Variants in SPATS2 observed in about 807,000 individuals in gnomAD.
The protein encoded by SPATS2 is spermatogenesis-associated serine-rich protein 2.
SPATS2 carries 38 observed loss-of-function variants against 63.7 expected under a neutral mutation model. The ratio of observed to expected loss-of-function variants is 0.60; its 90% CI spans 0.46 to 0.78. The LOEUF is 0.78. SPATS2 is among the 30% of genes least tolerant of loss of function. SPATS2 has a pLI of 0.00. For missense variants in SPATS2, 588 were observed against 666.2 expected, an observed-to-expected ratio of 0.88 and a Z score of 1.29; for synonymous variants, 207 against 232.9, an observed-to-expected ratio of 0.89 and a Z score of 1.01.
intron 2 of SPATS2, among the ~76,000 whole-genome samples, chr12:49,399,987 G>C (rs1039976409): frequency 3.9e-5 from 6 of 152,140 alleles, no homozygotes; most frequent in Non-Finnish European, 7.4e-5. Context: ...AGTGAGCAGC[G>C]ATCACGCCAC....
chr12:49,392,818 G>C (rs570709081), intron 2 of SPATS2, among the ~76,000 whole-genome samples: 1 of 151,942 alleles, frequency 6.6e-6, no homozygotes, highest in South Asian at 2.1e-4. Context: ...TTGGGAAGCT[G>C]AGTTGGGTGG....
chr12:49,398,135 CAAAAAAAAA>C (rs71080193), intron 2 of SPATS2, among the ~76,000 whole-genome samples: 2 of 45,394 alleles, frequency 4.4e-5, no homozygotes, highest in Admixed American at 6.1e-4. Context: ...GACCCTGTCT[CAAAAAAAAA>C]AAAAAAAAAA....
chr12:49,526,015 C>T lies in SPATS2; in HGVS notation c.1398C>T (p.Asn466=). ...PQGQKSNDPM[N]QGRHDSMGRY... is the part of the protein sequence containing the mutation. ...GCCAAAAGTCCAATGACCCCATGAA[C>T]CAAGGGCGGCATGACAGTATGGGTC... is the stretch of plus-strand genomic sequence containing the variant. The change falls in exon 14 of 14, where the codon AAC becomes AAT. Residue 466 remains asparagine (N), a synonymous_variant. Transcript: ENST00000552918. 1.9e-6 allele frequency: 3 copies of T among 1,614,240 alleles called. No individual in the cohort carries two copies. Among genetic ancestry groups the T allele is most frequent in the Non-Finnish European group, 2.5e-6 (3 of 1,180,042 alleles).
intron 8 of SPATS2, among the ~76,000 whole-genome samples, chr12:49,497,686 G>A (rs1023333148): frequency 1.3e-5 from 2 of 151,978 alleles, no homozygotes; most frequent in African/African-American, 4.8e-5. Context: ...GAGCCACTGC[G>A]CCCAGCCAAC....
chr12:49,489,598 T>C, intron 5 of SPATS2, 25 bp downstream of exon 5: 2 of 1,575,302 alleles, frequency 1.3e-6, no homozygotes, highest in Non-Finnish European at 8.7e-7. Flanking sequence ...ATTTTAAAAA[T>C]AAATTTATAT....
chr12:49,456,592 A>G (rs1945723183), intron 2 of SPATS2, among the ~76,000 whole-genome samples: 1 of 152,250 alleles, frequency 6.6e-6, no homozygotes, highest in South Asian at 2.1e-4. Flanking sequence ...GTGAAATAGC[A>G]GCGAGAGTGG....
At chr12:49,375,409 C>CT (rs1944082765) in intron 2 of SPATS2, among the ~76,000 whole-genome samples, 4 of 152,136 alleles carry the variant, frequency 2.6e-5, no homozygotes, top group Admixed American at 2.0e-4. Flanking sequence ...TTTTAAATAA[C>CT]TTGCTTTTGT....
At chr12:49,429,645 G>A (rs1197182142) in intron 2 of SPATS2, among the ~76,000 whole-genome samples, 3 of 149,290 alleles carry the variant, frequency 2.0e-5, no homozygotes, top group Admixed American at 6.7e-5. Context: ...TAGTAGAGAC[G>A]GGGTTTCACC....
intron 9 of SPATS2, among the ~76,000 whole-genome samples, chr12:49,513,207 AAG>A (rs1219331420): frequency 8.0e-4 from 116 of 144,292 alleles, no homozygotes; most frequent in African/African-American, 2.8e-3. Flanking sequence ...GCGAGAGAGA[AAG>A]AGTGTGTGTG....
intron 9 of SPATS2, among the ~76,000 whole-genome samples, chr12:49,505,235 G>A (rs1946637421): frequency 6.6e-6 from 1 of 152,136 alleles, no homozygotes; most frequent in Non-Finnish European, 1.5e-5. Flanking sequence ...ATAAAGGAAT[G>A]TGCTAATGTA....
rs188101571 is a variant in SPATS2, at chr12:49,517,725, C to T, written c.899-1348C>T. Reference sequence around the variant, plus strand: ...GTTACATGCTAAGACTCCCTTAAAACGCTTTCCTGTAAAGCCTGCCCTTTG... The same window carrying T: ...GTTACATGCTAAGACTCCCTTAAAATGCTTTCCTGTAAAGCCTGCCCTTTG... On this transcript the variant is annotated intron_variant, in intron 10 of 13. Transcript: ENST00000552918. 1.1e-4 allele frequency among the ~76,000 whole-genome samples: 16 copies of T among 152,286 alleles called. No individual in the cohort carries two copies. The East Asian group carries it at 2.7e-3, about 26-fold the overall frequency.
chr12:49,451,318 TTAG>T (rs1196788041), intron 2 of SPATS2, among the ~76,000 whole-genome samples: 3 of 152,180 alleles, frequency 2.0e-5, no homozygotes, highest in African/African-American at 7.2e-5. Flanking sequence ...AGTTGTTTTC[TTAG>T]TACTTGTCTG....
Position 49,436,116 on chromosome 12 carries a change from A to G in SPATS2, c.-243-24654A>G, listed in dbSNP as rs373372809. 6.6e-5 allele frequency among the ~76,000 whole-genome samples: 10 copies of G among 151,670 alleles called. No individual in the cohort carries two copies. In the East Asian group the frequency reaches 1.4e-3, roughly 21 times the overall value. Reference sequence around the variant, plus strand: ...CTTTACCCCCTTTCTATTCCACAAAACCGCCATTGTCATCATGGCCCGTTC... The same window carrying G: ...CTTTACCCCCTTTCTATTCCACAAAGCCGCCATTGTCATCATGGCCCGTTC... On this transcript the variant is annotated intron_variant, in intron 2 of 13. Transcript: ENST00000552918.
chr12:49,476,028 C>T (rs1946111587), intron 3 of SPATS2, among the ~76,000 whole-genome samples: 1 of 152,120 alleles, frequency 6.6e-6, no homozygotes, highest in Non-Finnish European at 1.5e-5. Flanking sequence ...GGGCTCCATC[C>T]TGGGCCTAAG....
At chr12:49,389,857 C>T in intron 2 of SPATS2, 1 of 850,552 alleles carries the variant, frequency 1.2e-6, no homozygotes, top group East Asian at 2.4e-5. Flanking sequence ...TTGCTAATGG[C>T]TAGCAAAAAA....
intron 2 of SPATS2, among the ~76,000 whole-genome samples, chr12:49,427,056 G>A (rs1468309704): frequency 1.3e-5 from 2 of 152,084 alleles, no homozygotes; most frequent in African/African-American, 4.8e-5. Flanking sequence ...AGTTTTAGTA[G>A]ATTTTGCTAA....
At position 49,524,895 on chromosome 12, in the gene SPATS2, A is replaced by T; in HGVS notation, c.1325A>T (p.Glu442Val). 1.9e-6 allele frequency: 3 copies of T among 1,613,058 alleles called. No homozygotes were observed. Among genetic ancestry groups the T allele is most frequent in the Non-Finnish European group, 2.5e-6 (3 of 1,179,972 alleles). ...GGCCAGCCCTACCAGCCACTTCGGG[A>T]GGTAACCTAGCTTCTACACTGAGCA... The part of the protein sequence containing the change: ...SSGQPYQPLR[E>V]VLPGNRRGGQ... The change falls in exon 13 of 14, where the codon GAG becomes GTG. Residue 442 changes from glutamate (E) to valine (V), a missense_variant and splice_region_variant. Physicochemically the swap from Glu to Val is moderately radical, Grantham distance 121. Transcript: ENST00000552918.
rs66900382 is a variant in SPATS2 at position 49,498,145 on chromosome 12, A to AAATAT, written c.703+1137_703+1138insATATA. On this transcript the variant is annotated intron_variant, in intron 8 of 13. Coordinates refer to ENST00000552918, the MANE Select transcript of SPATS2 (RefSeq NM_023071.4). ...ATCCAATCAAGCCAAAAAAAAAAAA[A>AAATAT]ATATATATATATATATATATATATG... Among the ~76,000 whole-genome samples the AAATAT allele has an allele frequency of 5.4e-3, 539 of 98,938 alleles. 7 individuals are homozygous for AAATAT. The highest frequency in any genetic ancestry group is 0.022 in the African/African-American group (457 of 20,342). 64.9% of individuals were successfully genotyped at this position (98,938 alleles called of 152,430 possible).
intron 7 of SPATS2, among the ~76,000 whole-genome samples, chr12:49,495,333 A>G (rs966260121): frequency 3.3e-5 from 5 of 151,936 alleles, no homozygotes; most frequent in Admixed American, 1.3e-4. Flanking sequence ...AGCTGGTACT[A>G]CAGGCACCCG....
Sources: allele counts gnomAD v4.1 joint callset (sites outside exome capture counted in the v4.1 genomes callset), GRCh38; gene constraint gnomAD v4.1.1; transcripts MANE v1.5; gene names NCBI Gene and HGNC (gene_info 2026-07-23, HGNC 2026-07-21).